Variants in BCKDHB observed in about 807,000 individuals in gnomAD.
BCKDHB encodes 2-oxoisovalerate dehydrogenase subunit beta, mitochondrial.
A neutral mutation model predicts 48.5 loss-of-function variants in BCKDHB; 41 were observed. That is an observed-to-expected ratio of 0.85 (90% CI 0.66 to 1.10). The LOEUF (loss-of-function observed/expected upper bound fraction) is 1.10. BCKDHB is among the 50% of genes least tolerant of loss of function. The pLI is 0.00. For missense variants in BCKDHB, 496 were observed against 494.2 expected (o/e 1.00, Z -0.03); for synonymous variants, 201 against 174.8 (o/e 1.15, Z -1.18).
the BCKDHB span, among the ~76,000 whole-genome samples, chr6:80,419,398 G>A: frequency 6.6e-6 from 1 of 152,190 alleles, no homozygotes; most frequent in Admixed American, 6.5e-5. Flanking sequence ...TGGGGCCCCA[G>A]GAGAGACCGG....
chr6:80,211,692 T>C (rs1774939903), intron 8 of BCKDHB, among the ~76,000 whole-genome samples: 1 of 152,188 alleles, frequency 6.6e-6, no homozygotes, highest in South Asian at 2.1e-4. Flanking sequence ...AGCCCCTTCA[T>C]TCACTCTGTT....
the BCKDHB span, among the ~76,000 whole-genome samples, chr6:80,402,477 G>A: frequency 6.6e-6 from 1 of 151,636 alleles, no homozygotes; most frequent in East Asian, 1.9e-4. Flanking sequence ...TTGCTTTTGG[G>A]TTGTATGACT....
chr6:80,413,784 G>A, the BCKDHB span, among the ~76,000 whole-genome samples: 1 of 152,182 alleles, frequency 6.6e-6, no homozygotes, highest in East Asian at 1.9e-4. Flanking sequence ...CTCTATGGTA[G>A]AACAGTTTAT....
intron 3 of BCKDHB, among the ~76,000 whole-genome samples, chr6:80,164,201 AC>A (rs1195168414): frequency 1.3e-5 from 2 of 151,978 alleles, no homozygotes; most frequent in Non-Finnish European, 2.9e-5. Context: ...TTGATCATCT[AC>A]CCATTCCATC....
At chr6:80,237,028 A>G (rs947531434) in intron 8 of BCKDHB, among the ~76,000 whole-genome samples, 1 of 152,226 alleles carries the variant, frequency 6.6e-6, no homozygotes, top group African/African-American at 2.4e-5. Flanking sequence ...ATGCTATTGT[A>G]GAAGACATTG....
intron 3 of BCKDHB, among the ~76,000 whole-genome samples, chr6:80,141,348 G>A (rs1009691762): frequency 6.6e-6 from 1 of 152,036 alleles, no homozygotes; most frequent in African/African-American, 2.4e-5. Flanking sequence ...TAAGAGGCTA[G>A]CGATCAGAAA....
intron 9 of BCKDHB, among the ~76,000 whole-genome samples, chr6:80,341,108 A>T (rs1769880284): frequency 6.6e-6 from 1 of 152,176 alleles, no homozygotes; most frequent in African/African-American, 2.4e-5. Flanking sequence ...AAAAAGACTG[A>T]TATCCTATTC....
intron 8 of BCKDHB, among the ~76,000 whole-genome samples, chr6:80,263,948 C>T (rs3805907): frequency 0.38 from 57,092 of 151,856 alleles, 12,307 homozygotes; most frequent in East Asian, 0.56. Flanking sequence ...CAAGTGGGGA[C>T]TTACGAATTG....
At chr6:80,404,555 T>G in the BCKDHB span, among the ~76,000 whole-genome samples, 2 of 152,032 alleles carry the variant, frequency 1.3e-5, no homozygotes, top group Non-Finnish European at 2.9e-5. Flanking sequence ...TTCTAGCCTC[T>G]ATCTCGTTTC....
rs114807143 is a variant in BCKDHB at position 80,204,286 on chromosome 6, T to C, written c.951+1074T>C. Reference sequence around the variant, plus strand: ...ATGTAAGATTTGTTATAGTAAATGTTTGTGAAGACTCACTTGACACCATCT... The same window carrying C: ...ATGTAAGATTTGTTATAGTAAATGTCTGTGAAGACTCACTTGACACCATCT... On this transcript the variant is annotated intron_variant, in intron 8 of 9. Coordinates refer to ENST00000320393, the MANE Select transcript of BCKDHB (RefSeq NM_183050.4). Among the ~76,000 whole-genome samples the C allele has an allele frequency of 5.0e-3, 765 of 152,254 alleles. 7 individuals are homozygous for C. The highest frequency in any genetic ancestry group is 0.018 in the African/African-American group (739 of 41,566).
the BCKDHB span, among the ~76,000 whole-genome samples, chr6:80,430,840 G>A: frequency 6.6e-6 from 1 of 151,992 alleles, no homozygotes; most frequent in African/African-American, 2.4e-5. Flanking sequence ...TCTGATCTTA[G>A]TTATTTCTTG....
At chr6:80,284,168 A>G (rs946559054) in intron 9 of BCKDHB, among the ~76,000 whole-genome samples, 2 of 152,102 alleles carry the variant, frequency 1.3e-5, no homozygotes, top group Admixed American at 6.6e-5. Flanking sequence ...GCCATTATCT[A>G]TTTTCATGAA....
chr6:80,109,486 G>C (rs903820129), intron 1 of BCKDHB, among the ~76,000 whole-genome samples: 1 of 152,102 alleles, frequency 6.6e-6, no homozygotes, highest in African/African-American at 2.4e-5. Context: ...TAAGTGCATA[G>C]TTCAAATTTA....
rs1171128331 is a variant in BCKDHB, at chr6:80,280,271, T to A, written c.1038+7050T>A. On this transcript the variant is annotated intron_variant, in intron 9 of 9. Transcript: ENST00000320393. Reference sequence around the variant, plus strand: ...TATGGAGTTCTTGGCAAATAGAAAGTAGTAGGAGCTGAAAATATTACTATA... The same window carrying A: ...TATGGAGTTCTTGGCAAATAGAAAGAAGTAGGAGCTGAAAATATTACTATA... Among the ~76,000 whole-genome samples the A allele has an allele frequency of 7.9e-5, 12 of 152,106 alleles. No homozygotes were observed. In the South Asian group the frequency reaches 2.1e-3, roughly 26 times the overall value.
At chr6:80,294,355 A>G (rs2127987019) in intron 9 of BCKDHB, among the ~76,000 whole-genome samples, 1 of 152,346 alleles carries the variant, frequency 6.6e-6, no homozygotes, top group Admixed American at 6.5e-5. Flanking sequence ...GTACAAATTG[A>G]TTGTAAAACA....
the BCKDHB span, among the ~76,000 whole-genome samples, chr6:80,441,535 G>T: frequency 2.6e-5 from 4 of 152,076 alleles, no homozygotes; most frequent in African/African-American, 9.7e-5. Context: ...TGACACTTTA[G>T]ATTTAATTTT....
the BCKDHB span, among the ~76,000 whole-genome samples, chr6:80,413,578 G>T: frequency 1.3e-5 from 2 of 152,154 alleles, no homozygotes; most frequent in African/African-American, 2.4e-5. Context: ...GCATTAGTTT[G>T]CTAAGGATAA....
chr6:80,156,875 G>A (rs767056549), intron 3 of BCKDHB, among the ~76,000 whole-genome samples: 3 of 152,080 alleles, frequency 2.0e-5, no homozygotes, highest in Non-Finnish European at 2.9e-5. Context: ...ATTTTTTACT[G>A]TTAATTTGAA....
intron 7 of BCKDHB, among the ~76,000 whole-genome samples, 199 bp downstream of exon 7, chr6:80,201,230 A>G (rs1438925747): frequency 6.6e-6 from 1 of 152,182 alleles, no homozygotes; most frequent in Non-Finnish European, 1.5e-5. Context: ...TTCAAGGTAT[A>G]TATGTGATGA....
Sources: allele counts gnomAD v4.1 joint callset (sites outside exome capture counted in the v4.1 genomes callset), GRCh38; gene constraint gnomAD v4.1.1; transcripts MANE v1.5; gene names NCBI Gene and HGNC (gene_info 2026-07-23, HGNC 2026-07-21).